The following ARHGAP6 variants were observed in gnomAD, a reference collection of about 807,000 sequenced individuals.
ARHGAP6 encodes the protein rho GTPase-activating protein 6.
Under a neutral mutation model 55.7 loss-of-function variants are expected in ARHGAP6, and 16 were observed. The ratio of observed to expected loss-of-function variants is 0.29; its 90% CI spans 0.19 to 0.44. ARHGAP6 has a LOEUF of 0.44. ARHGAP6 is among the 20% of genes least tolerant of loss of function. The probability of loss-of-function intolerance (pLI) is 1.00; values close to 1 mark genes in which losing one functional copy is unlikely to be tolerated. For missense variants in ARHGAP6, 698 were observed against 808.9 expected (o/e 0.86, Z 1.66); for synonymous variants, 382 against 360.9 (o/e 1.06, Z -0.66).
chrX:11,649,540 TC>T (rs2052563709), intron 1 of ARHGAP6, among the ~76,000 whole-genome samples: 1 of 111,451 alleles, frequency 9.0e-6, no homozygotes, highest in Non-Finnish European at 1.9e-5. Flanking sequence ...TTCCCCTCCT[TC>T]CCCATTTCAT....
intron 1 of ARHGAP6, among the ~76,000 whole-genome samples, chrX:11,289,135 C>A (rs944687822): frequency 3.6e-5 from 4 of 112,069 alleles, no homozygotes; most frequent in African/African-American, 1.3e-4. Flanking sequence ...AAATTACAAG[C>A]TGTATGAACT....
At chrX:11,300,364 G>T (rs1178705782) in intron 1 of ARHGAP6, among the ~76,000 whole-genome samples, 1 of 111,434 alleles carries the variant, frequency 9.0e-6, no homozygotes, top group Non-Finnish European at 1.9e-5. Context: ...CCCCCAAAAA[G>T]GTAGCAATTG....
chrX:11,473,605 G>T (rs1396477394), intron 1 of ARHGAP6, among the ~76,000 whole-genome samples: 1 of 111,517 alleles, frequency 9.0e-6, no homozygotes, highest in Non-Finnish European at 1.9e-5. Flanking sequence ...CTGGAAACTA[G>T]GAAGAGGCAA....
At chrX:11,566,357 A>G (rs765770566) in intron 1 of ARHGAP6, among the ~76,000 whole-genome samples, 30 of 112,240 alleles carry the variant, frequency 2.7e-4, no homozygotes, top group Non-Finnish European at 4.7e-4. Flanking sequence ...CTGAAAGAAG[A>G]CCAGACTTAG....
intron 1 of ARHGAP6, among the ~76,000 whole-genome samples, chrX:11,477,300 T>G (rs1569359384): frequency 9.0e-6 from 1 of 111,651 alleles, no homozygotes; most frequent in Admixed American, 9.5e-5. Context: ...AAACAAGAGA[T>G]ACCACTAAAC....
chrX:11,596,708 T>C (rs2051907753), intron 1 of ARHGAP6, among the ~76,000 whole-genome samples: 2 of 111,425 alleles, frequency 1.8e-5, no homozygotes, highest in Admixed American at 1.9e-4. Context: ...GGCTTGGAAT[T>C]TGGAAGGTGT....
At chrX:11,557,712 C>T (rs764148982) in intron 1 of ARHGAP6, among the ~76,000 whole-genome samples, 2 of 112,137 alleles carry the variant, frequency 1.8e-5, no homozygotes, top group Non-Finnish European at 3.8e-5. Context: ...ACCAGTCTCA[C>T]GTTAGGTACC....
At chrX:11,354,283 CTCTCTCTCTCTT>C (rs1446801016) in intron 1 of ARHGAP6, among the ~76,000 whole-genome samples, 62 of 81,555 alleles carry the variant, frequency 7.6e-4, no homozygotes, top group African/African-American at 1.2e-3. Flanking sequence ...CTCTCTCTCT[CTCTCTCTCTCTT>C]TCTCTCTCTC....
At chrX:11,479,268 T>C (rs951924409) in intron 1 of ARHGAP6, among the ~76,000 whole-genome samples, 4 of 112,027 alleles carry the variant, frequency 3.6e-5, no homozygotes, top group Non-Finnish European at 5.6e-5. Context: ...CATGGTGTTT[T>C]ATTGTTGCTA....
chrX:11,292,764 T>C (rs891885497), intron 1 of ARHGAP6, among the ~76,000 whole-genome samples: 1 of 112,337 alleles, frequency 8.9e-6, no homozygotes, highest in African/African-American at 3.2e-5. Context: ...GAACCTTAAG[T>C]TCCTGATTGT....
At chrX:11,266,829 G>T (rs2047633409) in intron 1 of ARHGAP6, among the ~76,000 whole-genome samples, 2 of 111,736 alleles carry the variant, frequency 1.8e-5, no homozygotes, top group Admixed American at 9.5e-5. Context: ...TGATTTCATG[G>T]AAGATCTTAC....
intron 1 of ARHGAP6, among the ~76,000 whole-genome samples, chrX:11,535,600 C>T (rs10449067): frequency 0.02 from 2,202 of 111,607 alleles, 30 homozygotes; most frequent in Middle Eastern, 0.06. Context: ...AGGGCCTCTG[C>T]CCTCCTTTAA....
chrX:11,336,637 C>A (rs2048641112), intron 1 of ARHGAP6, among the ~76,000 whole-genome samples: 1 of 112,119 alleles, frequency 8.9e-6, no homozygotes, highest in Non-Finnish European at 1.9e-5. Flanking sequence ...TCTGTAGTAG[C>A]TGGATCATAC....
intron 1 of ARHGAP6, among the ~76,000 whole-genome samples, chrX:11,315,230 A>T (rs932850702): frequency 2.7e-5 from 3 of 112,503 alleles, no homozygotes; most frequent in African/African-American, 6.5e-5. Flanking sequence ...TTTGTGGAAG[A>T]CAACTTTTCC....
intron 1 of ARHGAP6, among the ~76,000 whole-genome samples, chrX:11,624,644 C>T (rs1231060605): frequency 4.4e-5 from 5 of 112,523 alleles, no homozygotes; most frequent in Non-Finnish European, 7.5e-5. Context: ...TTCCGCCTCC[C>T]GGGTTCATGC....
intron 1 of ARHGAP6, among the ~76,000 whole-genome samples, chrX:11,544,555 A>C (rs2051193227): frequency 8.9e-6 from 1 of 112,461 alleles, no homozygotes; most frequent in Non-Finnish European, 1.9e-5. Context: ...CACCCAAAAC[A>C]AGTCACTTTT....
At chrX:11,156,691 G>A in intron 9 of ARHGAP6, 65 bp from the exon 10 acceptor site, 1 of 873,649 alleles carries the variant, frequency 1.1e-6, no homozygotes, top group South Asian at 2.2e-5. Flanking sequence ...TATGGTCACT[G>A]ACAATTTTAC....
At chrX:11,587,559 G>A (rs1368062218) in intron 1 of ARHGAP6, among the ~76,000 whole-genome samples, 3 of 111,831 alleles carry the variant, frequency 2.7e-5, no homozygotes, top group African/African-American at 9.7e-5. Flanking sequence ...ATGGAAGATG[G>A]TAATGCAGTT....
chrX:11,326,947 A>G (rs769083995), intron 1 of ARHGAP6, among the ~76,000 whole-genome samples: 8 of 111,830 alleles, frequency 7.2e-5, no homozygotes, highest in Admixed American at 6.7e-4. Flanking sequence ...GACTTGACCC[A>G]ATCATCCACT....
Sources: allele counts gnomAD v4.1 joint callset (sites outside exome capture counted in the v4.1 genomes callset), GRCh38; gene constraint gnomAD v4.1.1; transcripts MANE v1.5; gene names NCBI Gene and HGNC (gene_info 2026-07-23, HGNC 2026-07-21).